EXOC6B: variants seen among roughly 807,000 people sequenced by gnomAD.
EXOC6B encodes the protein exocyst complex component 6B.
EXOC6B carries 54 observed loss-of-function variants against 113.5 expected under a neutral mutation model. The observed-to-expected ratio is 0.48, with a 90% CI of 0.38 to 0.60. The LOEUF is 0.60. Among genes scored for constraint, EXOC6B ranks in the 20% least tolerant of loss-of-function variants. EXOC6B has a pLI of 0.00. For missense variants in EXOC6B, 797 were observed against 977.5 expected, an observed-to-expected ratio of 0.82 and a Z score of 2.46; for synonymous variants, 357 against 339.0, an observed-to-expected ratio of 1.05 and a Z score of -0.58.
At chr2:72,471,808 A>G (rs1418044509) in intron 17 of EXOC6B, among the ~76,000 whole-genome samples, 1 of 152,174 alleles carries the variant, frequency 6.6e-6, no homozygotes, top group Non-Finnish European at 1.5e-5. Context: ...CCCATTCTTA[A>G]AGGAAAGGCA....
intron 1 of EXOC6B, among the ~76,000 whole-genome samples, chr2:72,815,595 C>T (rs138592909): frequency 2.0e-5 from 3 of 151,756 alleles, no homozygotes; most frequent in Non-Finnish European, 4.4e-5. Flanking sequence ...TTCAGCCTCA[C>T]TCACAATAAG....
intron 1 of EXOC6B, among the ~76,000 whole-genome samples, chr2:72,820,677 A>G (rs1400022288): frequency 3.3e-5 from 5 of 152,154 alleles, no homozygotes; most frequent in Non-Finnish European, 7.4e-5. Flanking sequence ...ACAAATAAGG[A>G]ACATAAATCA....
At chr2:72,201,223 T>G (rs905091001) in intron 20 of EXOC6B, among the ~76,000 whole-genome samples, 9 of 152,174 alleles carry the variant, frequency 5.9e-5, no homozygotes, top group African/African-American at 2.2e-4. Context: ...TCTAGTTCAT[T>G]TAACTGCCAA....
At chr2:72,372,017 A>G (rs1424955534) in intron 19 of EXOC6B, among the ~76,000 whole-genome samples, 2 of 152,210 alleles carry the variant, frequency 1.3e-5, no homozygotes, top group African/African-American at 4.8e-5. Context: ...TGGCATTTCT[A>G]TATGCCAACA....
At chr2:72,492,561 C>A in intron 15 of EXOC6B, 132 bp from the exon 16 acceptor site, 1 of 506,638 alleles carries the variant, frequency 2.0e-6, no homozygotes, top group Non-Finnish European at 3.5e-6. Flanking sequence ...TATTGTAAGT[C>A]AGAAAAAGTA....
chr2:72,250,987 T>C (rs1305098703), intron 20 of EXOC6B, among the ~76,000 whole-genome samples: 1 of 150,028 alleles, frequency 6.7e-6, no homozygotes, highest in Non-Finnish European at 1.5e-5. Context: ...GTTGAGTAGT[T>C]GGCTAATTTT....
At chr2:72,489,926 C>G (rs946791739) in intron 16 of EXOC6B, among the ~76,000 whole-genome samples, 2 of 152,050 alleles carry the variant, frequency 1.3e-5, no homozygotes, top group Non-Finnish European at 2.9e-5. Context: ...TGTGTAACCC[C>G]AAAACAGAGT....
At chr2:72,383,356 A>T (rs2105078163) in intron 18 of EXOC6B, among the ~76,000 whole-genome samples, 1 of 152,330 alleles carries the variant, frequency 6.6e-6, no homozygotes, top group African/African-American at 2.4e-5. Flanking sequence ...GCCACTTTTC[A>T]AAAGAAGTCA....
chr2:72,360,716 G>A (rs1388280542), intron 19 of EXOC6B, among the ~76,000 whole-genome samples: 1 of 152,046 alleles, frequency 6.6e-6, no homozygotes, highest in African/African-American at 2.4e-5. Context: ...CCTTCCTTCT[G>A]CAGCTGGATA....
chr2:72,738,286 T>C (rs889810217), intron 2 of EXOC6B, among the ~76,000 whole-genome samples: 6 of 152,128 alleles, frequency 3.9e-5, no homozygotes, highest in Non-Finnish European at 7.3e-5. Flanking sequence ...TCCATTTCAT[T>C]CCCCATATGA....
Position 72,541,014 on chromosome 2 carries a change from C to A in EXOC6B, c.915+18439G>T, listed in dbSNP as rs183314908. On this transcript the variant is annotated intron_variant, in intron 8 of 21. Coordinates refer to ENST00000272427, the MANE Select transcript of EXOC6B (RefSeq NM_015189.3). ...ATTTGATATGGTTTGGTTGTGTCCC[C>A]ACCAAAATCTCAACTTGAATTGTAT... Among the ~76,000 whole-genome samples the A allele has an allele frequency of 7.9e-5, 12 of 152,222 alleles. No homozygotes were observed. The East Asian group carries it at 9.7e-4, about 12-fold the overall frequency.
intron 8 of EXOC6B, among the ~76,000 whole-genome samples, chr2:72,527,299 T>G (rs1701792245): frequency 6.6e-6 from 1 of 151,924 alleles, no homozygotes; most frequent in Non-Finnish European, 1.5e-5. Context: ...CGGAAAGGAG[T>G]ATGTAACCTC....
intron 12 of EXOC6B, among the ~76,000 whole-genome samples, chr2:72,499,470 A>T (rs1700208639): frequency 6.6e-6 from 1 of 151,834 alleles, no homozygotes; most frequent in Non-Finnish European, 1.5e-5. Context: ...ACCTCAAGTG[A>T]TCCGCCTGCC....
chr2:72,554,416 G>T (rs1703417031), intron 8 of EXOC6B, among the ~76,000 whole-genome samples: 1 of 152,176 alleles, frequency 6.6e-6, no homozygotes, highest in East Asian at 1.9e-4. Context: ...ATGTGTCAAG[G>T]GAGGGAAGTG....
At chr2:72,543,554 G>C (rs562854573) in intron 8 of EXOC6B, among the ~76,000 whole-genome samples, 1 of 151,990 alleles carries the variant, frequency 6.6e-6, no homozygotes, top group Non-Finnish European at 1.5e-5. Context: ...TTTTTCCCCC[G>C]CCTTGTTTTA....
intron 20 of EXOC6B, among the ~76,000 whole-genome samples, chr2:72,315,804 G>A (rs915029743): frequency 1.3e-5 from 2 of 152,016 alleles, no homozygotes; most frequent in Non-Finnish European, 2.9e-5. Flanking sequence ...TGGGGAAATC[G>A]GGAACTTACC....
rs754383277 is a variant in EXOC6B at position 72,179,372 on chromosome 2, T to C, written c.2399A>G (p.Lys800Arg). The change falls in exon 22 of 22, where the codon AAG (lysine) becomes AGG (arginine). Residue 800 changes from lysine to arginine, a missense_variant. By Grantham distance (26) the Lys-to-Arg change is conservative (BLOSUM62 2). Transcript: ENST00000272427. ...GCTGCTGATGAGTCCTCGGAGCTGCTTGGCCACGGTGTCAATGAGTTTCTG... is the reference window on the plus strand; with the variant it reads ...GCTGCTGATGAGTCCTCGGAGCTGCCTGGCCACGGTGTCAATGAGTTTCTG... ...DKQKLIDTVA[K>R]QLRGLISSHH... The C allele has an allele frequency of 1.2e-6, 2 of 1,613,438 alleles. No homozygotes were observed. The highest frequency in any genetic ancestry group is 1.7e-6 in the Non-Finnish European group (2 of 1,179,716).
intron 11 of EXOC6B, 23 bp downstream of exon 11, chr2:72,513,109 C>T (rs770203010): frequency 1.9e-6 from 3 of 1,611,302 alleles, no homozygotes; most frequent in Non-Finnish European, 1.7e-6. Context: ...TAAATAACAA[C>T]TTCCCTTGGG....
intron 8 of EXOC6B, among the ~76,000 whole-genome samples, chr2:72,518,610 G>C (rs1185611645): frequency 6.6e-6 from 1 of 151,958 alleles, no homozygotes; most frequent in African/African-American, 2.4e-5. Flanking sequence ...AAGCCAGAAA[G>C]AGAGAAAGGG....
Sources: gnomAD v4.1 joint callset for allele counts (sites outside exome capture counted in the v4.1 genomes callset) on GRCh38, gnomAD v4.1.1 for gene constraint, MANE v1.5 for transcripts, NCBI Gene and HGNC (gene_info 2026-07-23, HGNC 2026-07-21) for gene names.